SYNPO: variants seen among roughly 807,000 people sequenced by gnomAD.
SYNPO encodes synaptopodin.
SYNPO carries 19 observed loss-of-function variants against 49.5 expected under a neutral mutation model. The observed-to-expected ratio is 0.38, with a 90% CI of 0.27 to 0.56. The LOEUF is 0.56. Ranked by LOEUF, SYNPO falls within the 20% of genes least tolerant of loss-of-function variation. The pLI is 0.68. For synonymous variants in SYNPO, 536 were observed against 548.0 expected, an observed-to-expected ratio of 0.98 and a Z score of 0.31; for missense variants, 1,131 against 1,248.3, an observed-to-expected ratio of 0.91 and a Z score of 1.42.
chr5:150,631,197 A>G (rs1421669067), intron 2 of SYNPO, among the ~76,000 whole-genome samples: 1 of 152,236 alleles, frequency 6.6e-6, no homozygotes, highest in Non-Finnish European at 1.5e-5. Context: ...GCACAGGGGC[A>G]TGGACATAGC....
chr5:150,605,755 CACAT>C (rs796940611), intron 1 of SYNPO, among the ~76,000 whole-genome samples: 2,822 of 127,320 alleles, frequency 0.022, 71 homozygotes, highest in East Asian at 0.11. Context: ...CACACACACA[CACAT>C]ACACACACAC....
the SYNPO span, among the ~76,000 whole-genome samples, chr5:150,589,404 T>C: frequency 6.6e-5 from 10 of 152,180 alleles, no homozygotes; most frequent in African/African-American, 2.4e-4. Context: ...GTGTATCTCA[T>C]TGGTTTTACC....
chr5:150,655,312 T>G (rs1758516237), intron 2 of SYNPO, among the ~76,000 whole-genome samples: 1 of 152,204 alleles, frequency 6.6e-6, no homozygotes, highest in African/African-American at 2.4e-5. Context: ...GCTGACTGGC[T>G]TGGGTCATGA....
intron 1 of SYNPO, among the ~76,000 whole-genome samples, chr5:150,605,033 C>G (rs538314760): frequency 6.6e-6 from 1 of 152,332 alleles, no homozygotes; most frequent in South Asian, 2.1e-4. Flanking sequence ...GCACCTACCT[C>G]ACAAGGCAGT....
intron 1 of SYNPO, among the ~76,000 whole-genome samples, chr5:150,646,511 C>A (rs1758097937): frequency 6.6e-6 from 1 of 151,832 alleles, no homozygotes; most frequent in African/African-American, 2.4e-5. Flanking sequence ...CTTGCGCCCA[C>A]CTGAGTTTGA....
Position 150,656,812 on chromosome 5 carries a change from G to C in SYNPO, c.2437G>C (p.Ala813Pro). 6.7e-7 allele frequency: 1 copy of C among 1,494,682 alleles called. No individual in the cohort carries two copies. The highest frequency in any genetic ancestry group is 1.2e-5 in the South Asian group (1 of 80,188). The allele number at this position is 1,494,682 out of a possible 1,614,324, so 92.6% of individuals were successfully genotyped here. The change falls in exon 3 of 3, where the codon GCT (alanine) becomes CCT (proline). Residue 813 changes from alanine to proline, a missense_variant. Ala to Pro is a conservative substitution (Grantham distance 27). This residue lies in a region of SYNPO where 509 missense variants were observed against 484.5 expected (regional missense o/e 1.05). Transcript: ENST00000307662. ...GCCACAGCCCGCCCGCCCCGGCTCG[G>C]CTGCTGTGCCGGGGGCAGCCTTCGC... ...RSPQPARPGS[A>P]AVPGAAFAPI...
the SYNPO span, among the ~76,000 whole-genome samples, chr5:150,592,277 C>T: frequency 6.6e-6 from 1 of 152,028 alleles, no homozygotes; most frequent in Non-Finnish European, 1.5e-5. Context: ...CTAAATATTG[C>T]GGAGGCCCTA....
upstream of SYNPO, among the ~76,000 whole-genome samples, chr5:150,637,093 G>A (rs141134878): frequency 8.5e-5 from 13 of 152,336 alleles, no homozygotes; most frequent in African/African-American, 2.9e-4. Context: ...ACTCAGAGAG[G>A]TGAAGTGATT....
chr5:150,601,470 AG>A (rs1294214355), intron 1 of SYNPO, among the ~76,000 whole-genome samples: 1 of 152,064 alleles, frequency 6.6e-6, no homozygotes, highest in Admixed American at 6.5e-5. Flanking sequence ...CATGTGCCCC[AG>A]GGTGGGTGAG....
intron 2 of SYNPO, chr5:150,625,025 C>A (rs1409496410): frequency 1.0e-6 from 1 of 958,640 alleles, no homozygotes; most frequent in African/African-American, 1.8e-5. Context: ...CTCCAGTCCT[C>A]GCACGCGGGG....
chr5:150,616,058 C>T (rs533011309), intron 1 of SYNPO, among the ~76,000 whole-genome samples: 1 of 152,320 alleles, frequency 6.6e-6, no homozygotes, highest in Non-Finnish European at 1.5e-5. Context: ...GCTGCTATAA[C>T]AGGTGCCTGG....
At position 150,658,497 on chromosome 5, in the gene SYNPO, G is replaced by A. The variant is rs1758650030; in HGVS notation, c.*1410G>A. On this transcript the variant is annotated 3_prime_UTR_variant, in exon 3 of 3. Coordinates refer to ENST00000307662, the MANE Select transcript of SYNPO (RefSeq NM_007286.6). ...TGGTTCCCTAAACCTTGGTGGCTGT[G>A]ATTCAGGTCCCCAGGGGGGACTCAG... is the stretch of plus-strand genomic sequence containing the variant. The A allele has an allele frequency of 1.3e-5, 2 of 152,430 alleles. No homozygotes were observed. The highest frequency in any genetic ancestry group is 1.3e-4 in the Admixed American group (2 of 15,282). The allele number at this position is 152,430 out of a possible 1,614,324, so 9.4% of individuals were successfully genotyped here. A position where few individuals can be genotyped will look rare whatever the true frequency, so the allele number is the denominator to read the frequency against.
At chr5:150,606,062 C>T (rs1230010399) in intron 1 of SYNPO, among the ~76,000 whole-genome samples, 3 of 152,280 alleles carry the variant, frequency 2.0e-5, no homozygotes, top group Non-Finnish European at 2.9e-5. Flanking sequence ...CGCCCAGACA[C>T]GTACATGTGC....
At chr5:150,605,672 G>A (rs1013232137) in intron 1 of SYNPO, among the ~76,000 whole-genome samples, 3 of 151,966 alleles carry the variant, frequency 2.0e-5, no homozygotes, top group Non-Finnish European at 1.5e-5. Flanking sequence ...GCTCACTGGG[G>A]TTGTTTGGTC....
chr5:150,648,859 A>T lies in SYNPO; in HGVS notation c.584A>T (p.Asp195Val). 6.2e-7 allele frequency: 1 copy of T among 1,614,170 alleles called. No homozygotes were observed. Among genetic ancestry groups the T allele is most frequent in the Non-Finnish European group, 8.5e-7 (1 of 1,180,014 alleles). ...SDFMSSSLLI[D>V]IQPNTLVVSA... is the part of the protein sequence containing the mutation. Reference sequence around the variant, plus strand: ...TTCATGTCCAGCTCCCTGCTCATTGACATCCAGCCCAACACCCTAGTGGTG... The same window carrying T: ...TTCATGTCCAGCTCCCTGCTCATTGTCATCCAGCCCAACACCCTAGTGGTG... The change falls in exon 2 of 3, where the codon GAC (aspartate) becomes GTC (valine). Residue 195 changes from aspartate (D) to valine (V), a missense_variant. By Grantham distance (152) the Asp-to-Val change is radical. This residue lies in a region of SYNPO where 602 missense variants were observed against 720.7 expected (regional missense o/e 0.84). Coordinates refer to ENST00000307662, the MANE Select transcript of SYNPO (RefSeq NM_007286.6). The surrounding 1 kb of genome is among the most constrained non-coding windows in gnomAD (Gnocchi z 5.0).
intron 1 of SYNPO, among the ~76,000 whole-genome samples, chr5:150,604,874 T>C (rs149890584): frequency 6.6e-6 from 1 of 152,184 alleles, no homozygotes; most frequent in East Asian, 1.9e-4. Flanking sequence ...CGGAAGCAAA[T>C]GATATGCCCT....
chr5:150,594,953 G>T, the SYNPO span, among the ~76,000 whole-genome samples: 1 of 152,208 alleles, frequency 6.6e-6, no homozygotes, highest in Non-Finnish European at 1.5e-5. Context: ...GAGAAGAGCA[G>T]ATGTGGAGGA....
In SYNPO at chr5:150,650,024, C is replaced by T. The variant is rs756542229; in HGVS notation, c.1749C>T (p.Val583=). ...CACCTATCAAGGAGCCTGCCAAGGTCTCACCAAGAGCTGCCTCGCCCGCCA... is the reference window on the plus strand; with the variant it reads ...CACCTATCAAGGAGCCTGCCAAGGTTTCACCAAGAGCTGCCTCGCCCGCCA... ...VLSPIKEPAK[V]SPRAASPAKP... is the part of the protein sequence containing the mutation. Residue 583 remains valine, a synonymous_variant, in exon 2 of 3, where the codon GTC becomes GTT. Coordinates refer to ENST00000307662, the MANE Select transcript of SYNPO (RefSeq NM_007286.6). The T allele has an allele frequency of 1.2e-6, 2 of 1,612,582 alleles. No individual in the cohort carries two copies. The highest frequency in any genetic ancestry group is 2.2e-5 in the South Asian group (2 of 91,086).
chr5:150,591,442 G>A, the SYNPO span, among the ~76,000 whole-genome samples: 2 of 152,214 alleles, frequency 1.3e-5, no homozygotes, highest in African/African-American at 2.4e-5. Flanking sequence ...TCAAGCCTGT[G>A]TGGACAAGGG....
Sources: gnomAD v4.1 joint callset for allele counts (sites outside exome capture counted in the v4.1 genomes callset) on GRCh38, gnomAD v4.1.1 for gene constraint, gnomAD v4.1.1 regional missense constraint, Gnocchi (gnomAD v3.1) non-coding constraint, MANE v1.5 for transcripts, NCBI Gene and HGNC (gene_info 2026-07-23, HGNC 2026-07-21) for gene names.